The following PPP3CA variants were observed in gnomAD, a reference collection of about 807,000 sequenced individuals.
PPP3CA encodes protein phosphatase 3 catalytic subunit alpha, also known as CAM-PRP catalytic subunit.
In PPP3CA, 14 loss-of-function variants were observed where a neutral mutation model predicts 66.5. That is an observed-to-expected ratio of 0.21 (90% CI 0.14 to 0.33). The LOEUF (loss-of-function observed/expected upper bound fraction) is 0.33. PPP3CA is among the 10% of genes least tolerant of loss of function. The probability of loss-of-function intolerance (pLI) is 1.00; values close to 1 mark genes in which losing one functional copy is unlikely to be tolerated. For synonymous variants in PPP3CA, 232 were observed against 226.2 expected (o/e 1.03, Z -0.23); for missense variants, 317 against 639.5 (o/e 0.50, Z 5.44).
intron 1 of PPP3CA, among the ~76,000 whole-genome samples, chr4:101,305,052 A>G (rs775913652): frequency 3.1e-4 from 47 of 152,354 alleles, no homozygotes; most frequent in Middle Eastern, 3.4e-3. Flanking sequence ...AGACCCATTC[A>G]AAGATGCTGG....
chr4:101,055,260 A>G (rs1728179348), intron 10 of PPP3CA, among the ~76,000 whole-genome samples: 1 of 152,130 alleles, frequency 6.6e-6, no homozygotes. Context: ...TGTTAGCTCT[A>G]CTTTGGAATC....
chr4:101,147,984 G>A (rs1398178637), intron 2 of PPP3CA, among the ~76,000 whole-genome samples: 2 of 152,102 alleles, frequency 1.3e-5, no homozygotes, highest in East Asian at 3.8e-4. Context: ...ACACAATCAG[G>A]TAATTTCACT....
chr4:101,218,492 ATTT>A lies in PPP3CA; in HGVS notation c.59-22379_59-22377del, dbSNP rs775840585. Among the ~76,000 whole-genome samples, 21 of 152,054 alleles carry A rather than the reference ATTT, an allele frequency of 1.4e-4. No individual in the cohort carries two copies. The East Asian group carries it at 1.9e-3, about 14-fold the overall frequency. On this transcript the variant is annotated intron_variant, in intron 1 of 13. Coordinates refer to ENST00000394854, the MANE Select transcript of PPP3CA (RefSeq NM_000944.5). ...TGTGGATTTTTTTTCCCTTTGCTTA[ATTT>A]TTGTTGTTGTTACACCCAAGTTTTC...
chr4:101,124,381 G>A lies in PPP3CA; in HGVS notation c.260-15303C>T, dbSNP rs1183283992. Among the ~76,000 whole-genome samples, 3 of 152,038 alleles carry A rather than the reference G, an allele frequency of 2.0e-5. No individual in the cohort carries two copies. In the East Asian group the frequency reaches 5.8e-4, roughly 29 times the overall value. ...CATGCCTGTAATCCCAGAACTTTGG[G>A]AGGCCAAGGTGGAAAGATCAGCTGA... On this transcript the variant is annotated intron_variant, in intron 2 of 13. Coordinates refer to ENST00000394854, the MANE Select transcript of PPP3CA (RefSeq NM_000944.5).
chr4:101,063,350 T>C lies in PPP3CA; in HGVS notation c.963A>G (p.Val321=). Residue 321 remains valine (V), a synonymous_variant, in exon 9 of 14, where the codon GTA becomes GTG. Coordinates refer to ENST00000394854, the MANE Select transcript of PPP3CA (RefSeq NM_000944.5). The part of the protein sequence containing the change: ...YLDVYNNKAA[V]LKYENNVMNI... The stretch of plus-strand genomic sequence containing the variant: ...TCATAACATTGTTCTCATACTTCAA[T>C]ACTGCAGCTAAAAATAACCAAAAGA... 1.2e-6 allele frequency: 2 copies of C among 1,606,796 alleles called. No individual in the cohort carries two copies. Among genetic ancestry groups the C allele is most frequent in the Non-Finnish European group, 8.5e-7 (1 of 1,176,284 alleles).
intron 1 of PPP3CA, among the ~76,000 whole-genome samples, chr4:101,203,977 T>C (rs1725047532): frequency 6.6e-6 from 1 of 152,196 alleles, no homozygotes; most frequent in East Asian, 1.9e-4. Flanking sequence ...AAAAATTTAT[T>C]ATTAATTTTT....
chr4:101,037,840 T>G lies in PPP3CA; in HGVS notation c.1241+2642A>C, dbSNP rs372925306. 8.3e-4 allele frequency among the ~76,000 whole-genome samples: 127 copies of G among 152,314 alleles called. 1 individual carries two copies. In the South Asian group the frequency reaches 0.026, roughly 31 times the overall value. On this transcript the variant is annotated intron_variant, in intron 11 of 13. Transcript: ENST00000394854. ...TTTTCAGTCTCCTTTTAAACTAGATTCCTCACTCACCTTCATGTCTTTTGC... is the reference window on the plus strand; with the variant it reads ...TTTTCAGTCTCCTTTTAAACTAGATGCCTCACTCACCTTCATGTCTTTTGC...
At position 101,311,195 on chromosome 4, in the gene PPP3CA, C is replaced by T. The variant is rs186879376; in HGVS notation, c.58+35544G>A. On this transcript the variant is annotated intron_variant, in intron 1 of 13. Transcript: ENST00000394854. ...ACAATGCCACTTATTTAATTTTCCTCTTCTCTTACACTCCTATCATTTTTC... is the reference window on the plus strand; with the variant it reads ...ACAATGCCACTTATTTAATTTTCCTTTTCTCTTACACTCCTATCATTTTTC... Among the ~76,000 whole-genome samples the T allele has an allele frequency of 1.8e-3, 272 of 152,302 alleles. 1 individual carries two copies. Among genetic ancestry groups the T allele is most frequent in the Non-Finnish European group, 3.4e-3 (231 of 68,020 alleles).
intron 1 of PPP3CA, among the ~76,000 whole-genome samples, chr4:101,274,447 T>C (rs1198569397): frequency 2.0e-5 from 3 of 152,222 alleles, no homozygotes; most frequent in African/African-American, 7.2e-5. Context: ...AATTAACAAA[T>C]CTTCAATTAT....
At chr4:101,295,389 A>G (rs977944919) in intron 1 of PPP3CA, among the ~76,000 whole-genome samples, 1 of 152,136 alleles carries the variant, frequency 6.6e-6, no homozygotes, top group African/African-American at 2.4e-5. Context: ...AGTCAGGCAA[A>G]TGAGTTTTAT....
chr4:101,270,053 A>G (rs1260410103), intron 1 of PPP3CA, among the ~76,000 whole-genome samples: 1 of 152,172 alleles, frequency 6.6e-6, no homozygotes, highest in Non-Finnish European at 1.5e-5. Context: ...AATACATTTC[A>G]CATGCTTTGA....
chr4:101,310,456 G>A (rs1360488932), intron 1 of PPP3CA, among the ~76,000 whole-genome samples: 1 of 152,114 alleles, frequency 6.6e-6, no homozygotes, highest in Non-Finnish European at 1.5e-5. Context: ...CAAGTGGAAG[G>A]ATCACTTGAG....
intron 1 of PPP3CA, 64 bp downstream of exon 1, chr4:101,346,675 G>C: frequency 1.4e-6 from 2 of 1,438,404 alleles, no homozygotes; most frequent in Non-Finnish European, 1.9e-6. Flanking sequence ...AAGGCGAGGC[G>C]AGGCAAGCTG....
intron 2 of PPP3CA, among the ~76,000 whole-genome samples, chr4:101,191,874 G>A (rs922886246): frequency 2.6e-5 from 4 of 152,142 alleles, no homozygotes; most frequent in African/African-American, 9.7e-5. Flanking sequence ...CCCCGGCACT[G>A]AGGGAATCCT....
intron 1 of PPP3CA, among the ~76,000 whole-genome samples, chr4:101,325,078 A>T (rs557457567): frequency 9.2e-5 from 14 of 152,138 alleles, no homozygotes; most frequent in Admixed American, 2.6e-4. Flanking sequence ...TTAAAGGGGG[A>T]GGAAAGGAAA....
At chr4:101,074,937 A>G (rs1025119728) in intron 8 of PPP3CA, among the ~76,000 whole-genome samples, 2 of 152,218 alleles carry the variant, frequency 1.3e-5, no homozygotes, top group African/African-American at 4.8e-5. Flanking sequence ...ATGGACTCAC[A>G]GCTCCACATG....
chr4:101,063,274 T>C lies in PPP3CA; in HGVS notation c.1039A>G (p.Met347Val), dbSNP rs1728551094. ...GGAAGGGACCAAGTAAAAACATCCA[T>C]GAAATTTGGAAGCCAGTATGGATGA... ...SPHPYWLPNF[M>V]DVFTWSLPFV... Residue 347 changes from methionine to valine, a missense_variant, in exon 9 of 14, where the codon ATG (methionine) becomes GTG (valine). Met to Val is a conservative substitution (Grantham distance 21). Coordinates refer to ENST00000394854, the MANE Select transcript of PPP3CA (RefSeq NM_000944.5). 1.2e-6 allele frequency: 2 copies of C among 1,611,716 alleles called. No individual in the cohort carries two copies. Among genetic ancestry groups the C allele is most frequent in the African/African-American group, 1.3e-5 (1 of 74,784 alleles).
intron 1 of PPP3CA, among the ~76,000 whole-genome samples, chr4:101,202,749 G>C (rs1262273177): frequency 6.6e-6 from 1 of 152,080 alleles, no homozygotes; most frequent in Non-Finnish European, 1.5e-5. Context: ...GAAATATCCA[G>C]TTACAATTAA....
chr4:101,247,398 G>A (rs2110240286), intron 1 of PPP3CA, among the ~76,000 whole-genome samples: 1 of 152,154 alleles, frequency 6.6e-6, no homozygotes, highest in South Asian at 2.1e-4. Context: ...CTGGCCTCAG[G>A]TGATTCTCCC....
Sources: allele counts gnomAD v4.1 joint callset (sites outside exome capture counted in the v4.1 genomes callset), GRCh38; gene constraint gnomAD v4.1.1; transcripts MANE v1.5; gene names NCBI Gene and HGNC (gene_info 2026-07-23, HGNC 2026-07-21).